PNPLA8: variants seen among roughly 807,000 people sequenced by gnomAD.
The protein encoded by PNPLA8 is calcium-independent phospholipase A2-gamma.
Under a neutral mutation model 76.9 loss-of-function variants are expected in PNPLA8, and 39 were observed. The ratio of observed to expected loss-of-function variants is 0.51; its 90% CI spans 0.39 to 0.66. The LOEUF is 0.66. Ranked by LOEUF, PNPLA8 falls within the 30% of genes least tolerant of loss-of-function variation. The pLI is 0.00. For missense variants in PNPLA8, 887 were observed against 918.0 expected (o/e 0.97, Z 0.44); for synonymous variants, 301 against 307.9 (o/e 0.98, Z 0.24).
At position 108,479,279 on chromosome 7, in the gene PNPLA8, G is replaced by C; in HGVS notation, c.1979C>G (p.Thr660Ser). The change falls in exon 10 of 11, where the codon ACT becomes AGT. Residue 660 changes from threonine (T) to serine (S), a missense_variant. Transcript: ENST00000257694. ...TCTCACATCACTCTCATAACGTCCA[G>C]TGCCCAGGGATACTATGCACTCTAA... ...VPLECIVSLG[T>S]GRYESDVRNT... 6.2e-7 allele frequency: 1 copy of C among 1,612,678 alleles called. No individual in the cohort carries two copies. The highest frequency in any genetic ancestry group is 1.3e-5 in the African/African-American group (1 of 75,028).
chr7:108,516,734 C>G (rs896530665), intron 2 of PNPLA8, among the ~76,000 whole-genome samples: 1 of 152,138 alleles, frequency 6.6e-6, no homozygotes, highest in Non-Finnish European at 1.5e-5. Context: ...AACCCCATCT[C>G]TACCAAAAAT....
intron 7 of PNPLA8, among the ~76,000 whole-genome samples, chr7:108,493,087 G>C (rs555866879): frequency 6.6e-6 from 1 of 152,310 alleles, no homozygotes; most frequent in South Asian, 2.1e-4. Flanking sequence ...TCAAACCACA[G>C]AGTCATGAGA....
chr7:108,502,699 T>A, intron 4 of PNPLA8, 57 bp from the exon 5 acceptor site: 1 of 1,310,422 alleles, frequency 7.6e-7, no homozygotes, highest in Non-Finnish European at 1.1e-6. Context: ...TGAAAATGTA[T>A]GATTATTATT....
chr7:108,471,478 G>C lies in PNPLA8; in HGVS notation c.*923C>G, dbSNP rs914111481. 1.3e-5 allele frequency: 2 copies of C among 152,250 alleles called. No individual in the cohort carries two copies. The highest frequency in any genetic ancestry group is 4.8e-5 in the African/African-American group (2 of 41,420). 9.4% of individuals were successfully genotyped at this position (152,250 alleles called of 1,614,324 possible). ...GATCTGCCTGCCTCGGCCTCCCAAA[G>C]TGCTGGGATTACAGGTGTGAGCTAC... On this transcript the variant is annotated 3_prime_UTR_variant, in exon 11 of 11. Transcript: ENST00000257694.
rs529677396 is a variant in PNPLA8 at position 108,502,889 on chromosome 7, A to G, written c.1207-247T>C. On this transcript the variant is annotated intron_variant, in intron 4 of 10. Coordinates refer to ENST00000257694, the MANE Select transcript of PNPLA8 (RefSeq NM_001256007.3). ...AAAAGTTTTCATTAAAAGATGTAAT[A>G]CTTAACTAGAGAAAATATAATTTAT... 1.1e-5 allele frequency: 3 copies of G among 283,460 alleles called. No individual in the cohort carries two copies. In the South Asian group the frequency reaches 3.9e-4, roughly 37 times the overall value. The allele number at this position is 283,460 out of a possible 1,614,324, so 17.6% of individuals were successfully genotyped here.
At chr7:108,499,043 TTAAGA>T (rs1861759531) in intron 5 of PNPLA8, among the ~76,000 whole-genome samples, 1 of 152,064 alleles carries the variant, frequency 6.6e-6, no homozygotes, top group African/African-American at 2.4e-5. Context: ...TTGAGGAGAG[TTAAGA>T]TATCTTATGA....
chr7:108,477,584 G>T (rs1860089394), intron 10 of PNPLA8, among the ~76,000 whole-genome samples: 1 of 152,052 alleles, frequency 6.6e-6, no homozygotes, highest in East Asian at 1.9e-4. Context: ...TCAAGGCAAG[G>T]CCCAGTGGCC....
intron 8 of PNPLA8, among the ~76,000 whole-genome samples, chr7:108,490,869 C>T (rs1861116514): frequency 6.6e-6 from 1 of 151,536 alleles, no homozygotes; most frequent in African/African-American, 2.4e-5. Flanking sequence ...TGAAATAATT[C>T]TTATTTTCAG....
At position 108,486,348 on chromosome 7, in the gene PNPLA8, G is replaced by A. The variant is rs114804590; in HGVS notation, c.1878+1411C>T. Among the ~76,000 whole-genome samples the A allele has an allele frequency of 9.1e-3, 1,378 of 152,034 alleles. 21 individuals carry two copies. The highest frequency in any genetic ancestry group is 0.029 in the African/African-American group (1,223 of 41,482). On this transcript the variant is annotated intron_variant, in intron 9 of 10. Coordinates refer to ENST00000257694, the MANE Select transcript of PNPLA8 (RefSeq NM_001256007.3). ...TAAATTATTTCTCAATTTATGACAT[G>A]GTACATAAGAATAGGGGAAATCGTT...
At chr7:108,524,800 C>A (rs906349522) in intron 1 of PNPLA8, among the ~76,000 whole-genome samples, 2 of 152,128 alleles carry the variant, frequency 1.3e-5, no homozygotes, top group African/African-American at 4.8e-5. Flanking sequence ...GAGAGAGACT[C>A]CCAACAACAA....
At chr7:108,527,419 A>C (rs1316913167), upstream of PNPLA8, among the ~76,000 whole-genome samples, 1 of 152,228 alleles carries the variant, frequency 6.6e-6, no homozygotes, top group African/African-American at 2.4e-5. Flanking sequence ...TAAAAGATGT[A>C]TGCACCAATT....
intron 4 of PNPLA8, among the ~76,000 whole-genome samples, chr7:108,511,559 C>A (rs768909372): frequency 2.0e-5 from 3 of 152,132 alleles, no homozygotes; most frequent in Non-Finnish European, 4.4e-5. Context: ...GCAGGTACAT[C>A]CAGAAAGCGA....
intron 4 of PNPLA8, among the ~76,000 whole-genome samples, chr7:108,507,871 T>C (rs1210310500): frequency 6.7e-6 from 1 of 148,860 alleles, no homozygotes; most frequent in Non-Finnish European, 1.5e-5. Flanking sequence ...TGGTTCAATA[T>C]ACGCAAATCA....
In PNPLA8 at chr7:108,479,165, A is replaced by G; in HGVS notation, c.2074+19T>C. The G allele has an allele frequency of 6.4e-7, 1 of 1,568,842 alleles. No homozygotes were observed. Among genetic ancestry groups the G allele is most frequent in the Middle Eastern group, 1.7e-4 (1 of 5,804 alleles). On this transcript the variant is annotated intron_variant, in intron 10 of 10. Transcript: ENST00000257694. ...AATGCTAGAAGTTGAAGTATTTTAA[A>G]GCAGCAAACAAGACTAACCTTCTGT...
intron 1 of PNPLA8, among the ~76,000 whole-genome samples, chr7:108,525,300 T>C (rs1310568254): frequency 1.3e-5 from 2 of 152,218 alleles, no homozygotes; most frequent in African/African-American, 4.8e-5. Context: ...CTCTCAGAAA[T>C]TAGGACTGCA....
Position 108,470,618 on chromosome 7 carries a change from A to G in PNPLA8, c.*1783T>C, listed in dbSNP as rs562432982. On this transcript the variant is annotated 3_prime_UTR_variant, in exon 11 of 11. Coordinates refer to ENST00000257694, the MANE Select transcript of PNPLA8 (RefSeq NM_001256007.3). ...TTGCTTTATTACGAAGAATTCCCAG[A>G]AATATTCTGATTTCCAATTATTTGT... 1.3e-5 allele frequency: 2 copies of G among 152,302 alleles called. No homozygotes were observed. The highest frequency in any genetic ancestry group is 2.1e-4 in the South Asian group (1 of 4,830). 9.4% of individuals were successfully genotyped at this position (152,302 alleles called of 1,614,324 possible).
At chr7:108,504,966 C>A (rs961893573) in intron 4 of PNPLA8, among the ~76,000 whole-genome samples, 6 of 151,972 alleles carry the variant, frequency 3.9e-5, no homozygotes, top group African/African-American at 1.5e-4. Context: ...ATCCCAGCTA[C>A]TAGGGAGGCT....
At chr7:108,492,377 T>C (rs903143718) in intron 7 of PNPLA8, among the ~76,000 whole-genome samples, 13 of 152,234 alleles carry the variant, frequency 8.5e-5, no homozygotes, top group African/African-American at 2.9e-4. Context: ...TAAAGATCAA[T>C]GCATTTTATC....
At chr7:108,527,010 AC>A (rs1864121954), upstream of PNPLA8, among the ~76,000 whole-genome samples, 1 of 152,258 alleles carries the variant, frequency 6.6e-6, no homozygotes, top group Non-Finnish European at 1.5e-5. Context: ...CTTTTATACT[AC>A]AATAGCGAAT....
Sources: gnomAD v4.1 joint callset for allele counts (sites outside exome capture counted in the v4.1 genomes callset) on GRCh38, gnomAD v4.1.1 for gene constraint, MANE v1.5 for transcripts, NCBI Gene and HGNC (gene_info 2026-07-23, HGNC 2026-07-21) for gene names.